Variants in SPON1 observed in about 807,000 individuals in gnomAD.
The protein encoded by SPON1 is spondin 1.
In SPON1, 52 loss-of-function variants were observed where a neutral mutation model predicts 111.7. The observed-to-expected ratio is 0.47, with a 90% CI of 0.37 to 0.59. The LOEUF (loss-of-function observed/expected upper bound fraction) is 0.59, where lower values mean the gene tolerates loss of function less well. Among genes scored for constraint, SPON1 ranks in the 20% least tolerant of loss-of-function variants. The pLI is 0.00. For synonymous variants in SPON1, 410 were observed against 395.8 expected, an observed-to-expected ratio of 1.04 and a Z score of -0.43; for missense variants, 957 against 1,068.5, an observed-to-expected ratio of 0.90 and a Z score of 1.46.
At chr11:14,125,669 G>T (rs1356391414) in intron 5 of SPON1, among the ~76,000 whole-genome samples, 3 of 152,190 alleles carry the variant, frequency 2.0e-5, no homozygotes, top group Non-Finnish European at 2.9e-5. Context: ...GATTGGCAGG[G>T]GAATGCAGCC....
chr11:14,221,559 G>A lies in SPON1; in HGVS notation c.826-21773G>A, dbSNP rs189308206. Among the ~76,000 whole-genome samples the A allele has an allele frequency of 3.1e-3, 459 of 149,396 alleles. 8 individuals are homozygous for A. Among genetic ancestry groups the A allele is most frequent in the Admixed American group, 0.027 (404 of 15,012 alleles). On this transcript the variant is annotated intron_variant, in intron 6 of 15. Coordinates refer to ENST00000576479, the MANE Select transcript of SPON1 (RefSeq NM_006108.4). ...CACAGTCATATAAAGCAAGACAGCT[G>A]CCACGGCGAAAGCCAGATTTCCACT...
At chr11:13,995,033 T>C (rs1848260817) in intron 2 of SPON1, among the ~76,000 whole-genome samples, 1 of 152,236 alleles carries the variant, frequency 6.6e-6, no homozygotes, top group Admixed American at 6.5e-5. Flanking sequence ...CCAGTTCTTT[T>C]TCTTCAGAGT....
At chr11:13,975,499 AT>A (rs1419757389) in intron 1 of SPON1, among the ~76,000 whole-genome samples, 1 of 152,208 alleles carries the variant, frequency 6.6e-6, no homozygotes, top group Non-Finnish European at 1.5e-5. Flanking sequence ...TTCTGCACTC[AT>A]GGAGAGTACA....
intron 5 of SPON1, among the ~76,000 whole-genome samples, chr11:14,081,415 A>G (rs1848961196): frequency 6.6e-6 from 1 of 152,204 alleles, no homozygotes; most frequent in Non-Finnish European, 1.5e-5. Flanking sequence ...TACATATGTT[A>G]TAGTGTTTAA....
chr11:14,164,148 A>G (rs1554931670), intron 6 of SPON1, among the ~76,000 whole-genome samples: 1 of 152,242 alleles, frequency 6.6e-6, no homozygotes, highest in Admixed American at 6.5e-5. Context: ...GTTAACCGTT[A>G]AAGGTGAAAA....
chr11:14,109,470 A>G (rs1266625459), intron 5 of SPON1, among the ~76,000 whole-genome samples: 2 of 152,244 alleles, frequency 1.3e-5, no homozygotes, highest in African/African-American at 4.8e-5. Context: ...AAATTCATTC[A>G]GTCACCAGCT....
chr11:13,981,452 A>G (rs1247055342), intron 1 of SPON1, among the ~76,000 whole-genome samples: 1 of 152,060 alleles, frequency 6.6e-6, no homozygotes, highest in African/African-American at 2.4e-5. Flanking sequence ...TCAGCCTCCC[A>G]AGTAGCTGGG....
In SPON1 at chr11:14,265,599, T is replaced by G. The variant is rs781837565; in HGVS notation, c.2336T>G (p.Met779Arg). The change falls in exon 16 of 16, where the codon ATG becomes AGG. Residue 779 changes from methionine (M) to arginine (R), a missense_variant. Coordinates refer to ENST00000576479, the MANE Select transcript of SPON1 (RefSeq NM_006108.4). ...GGAGGTGGAATTCAGGAACGTTACA[T>G]GACTGTAAAGAAGAGATTCAAAAGC... is the stretch of plus-strand genomic sequence containing the variant. ...LCGGGIQERY[M>R]TVKKRFKSSQ... 6.2e-7 allele frequency: 1 copy of G among 1,613,744 alleles called. No homozygotes were observed. Among genetic ancestry groups the G allele is most frequent in the South Asian group, 1.1e-5 (1 of 90,986 alleles).
chr11:14,057,944 A>C (rs1441131368), intron 3 of SPON1, among the ~76,000 whole-genome samples: 1 of 152,046 alleles, frequency 6.6e-6, no homozygotes, highest in African/African-American at 2.4e-5. Flanking sequence ...TGGAGCCAGG[A>C]AGATAGAGGC....
At chr11:14,101,200 G>A (rs1554924358) in intron 5 of SPON1, among the ~76,000 whole-genome samples, 1 of 152,074 alleles carries the variant, frequency 6.6e-6, no homozygotes, top group Non-Finnish European at 1.5e-5. Flanking sequence ...AGGAGTTTGA[G>A]ACCAGCCAGA....
chr11:14,122,938 T>TC (rs1484562858), intron 5 of SPON1, among the ~76,000 whole-genome samples: 12 of 150,530 alleles, frequency 8.0e-5, no homozygotes, highest in African/African-American at 2.9e-4. Flanking sequence ...TTGTAATTTT[T>TC]TTTTTTTTTT....
chr11:14,246,467 C>T (rs1233338522), intron 7 of SPON1, among the ~76,000 whole-genome samples: 2 of 152,158 alleles, frequency 1.3e-5, no homozygotes, highest in Non-Finnish European at 2.9e-5. Context: ...CACTATAACA[C>T]GATCCTTCCA....
At chr11:14,183,237 C>A (rs1292640698) in intron 6 of SPON1, among the ~76,000 whole-genome samples, 2 of 152,168 alleles carry the variant, frequency 1.3e-5, no homozygotes, top group Non-Finnish European at 2.9e-5. Context: ...CCTTTAATAG[C>A]ATACTCTTAG....
intron 3 of SPON1, among the ~76,000 whole-genome samples, chr11:14,052,530 C>T (rs1848715578): frequency 6.6e-6 from 1 of 152,182 alleles, no homozygotes; most frequent in Admixed American, 6.5e-5. Context: ...AGGGAGGAAG[C>T]AAGGAGTCAA....
At chr11:14,202,748 A>G (rs1848476778) in intron 6 of SPON1, among the ~76,000 whole-genome samples, 1 of 152,166 alleles carries the variant, frequency 6.6e-6, no homozygotes, top group South Asian at 2.1e-4. Context: ...GCAGGTGGCT[A>G]ATATCATCAA....
At chr11:14,101,405 AT>A (rs1478042535) in intron 5 of SPON1, among the ~76,000 whole-genome samples, 1 of 152,072 alleles carries the variant, frequency 6.6e-6, no homozygotes, top group Non-Finnish European at 1.5e-5. Context: ...ATCTCAAAAA[AT>A]AATAATAATT....
intron 6 of SPON1, among the ~76,000 whole-genome samples, chr11:14,151,102 TTC>T (rs1554929886): frequency 6.6e-6 from 1 of 152,212 alleles, no homozygotes; most frequent in Non-Finnish European, 1.5e-5. Context: ...CAGATCTGTT[TTC>T]CAAAGAGCCA....
At position 14,015,488 on chromosome 11, in the gene SPON1, A is replaced by T. The variant is rs570256364; in HGVS notation, c.346-26033A>T. ...TCCACCTCTTAATAGTATCACATTG[A>T]TTATTACTTTTCAACATATGAATTT... On this transcript the variant is annotated intron_variant, in intron 2 of 15. Transcript: ENST00000576479. 3.3e-5 allele frequency among the ~76,000 whole-genome samples: 5 copies of T among 152,316 alleles called. No individual in the cohort carries two copies. The East Asian group carries it at 5.8e-4, about 18-fold the overall frequency.
intron 2 of SPON1, among the ~76,000 whole-genome samples, chr11:14,016,228 C>T (rs1373177545): frequency 6.6e-6 from 1 of 152,260 alleles, no homozygotes; most frequent in African/African-American, 2.4e-5. Context: ...GGAGCATGTA[C>T]TAAGTGCTAC....
Sources: gnomAD v4.1 joint callset for allele counts (sites outside exome capture counted in the v4.1 genomes callset) on GRCh38, gnomAD v4.1.1 for gene constraint, MANE v1.5 for transcripts, NCBI Gene and HGNC (gene_info 2026-07-23, HGNC 2026-07-21) for gene names.